Variants in CSNK1G1 observed in about 807,000 individuals in gnomAD.
The protein encoded by CSNK1G1 is casein kinase 1 gamma 1.
CSNK1G1 carries 22 observed loss-of-function variants against 59.6 expected under a neutral mutation model. That is an observed-to-expected ratio of 0.37 (90% CI 0.26 to 0.53). CSNK1G1 has a LOEUF of 0.53. Among genes scored for constraint, CSNK1G1 ranks in the 20% least tolerant of loss-of-function variants. CSNK1G1 has a pLI of 0.89. For missense variants in CSNK1G1, 384 were observed against 519.5 expected, an observed-to-expected ratio of 0.74 and a Z score of 2.54; for synonymous variants, 179 against 177.1, an observed-to-expected ratio of 1.01 and a Z score of -0.08.
At chr15:64,264,621 C>A (rs958398619) in intron 2 of CSNK1G1, among the ~76,000 whole-genome samples, 1 of 152,180 alleles carries the variant, frequency 6.6e-6, no homozygotes, top group Admixed American at 6.5e-5. Flanking sequence ...CACAAATCGT[C>A]AACAAAATAC....
At chr15:64,194,850 T>C (rs1478016165) in intron 10 of CSNK1G1, among the ~76,000 whole-genome samples, 1 of 152,192 alleles carries the variant, frequency 6.6e-6, no homozygotes, top group Non-Finnish European at 1.5e-5. Context: ...TTAAATGTAT[T>C]CCCTTACAGT....
At chr15:64,254,164 T>C (rs942686858) in intron 3 of CSNK1G1, among the ~76,000 whole-genome samples, 2 of 151,458 alleles carry the variant, frequency 1.3e-5, no homozygotes, top group East Asian at 3.9e-4. Flanking sequence ...ATAAAAAAAA[T>C]TAAGTATCTA....
At chr15:64,321,048 T>C (rs1264414951) in intron 1 of CSNK1G1, among the ~76,000 whole-genome samples, 1 of 152,152 alleles carries the variant, frequency 6.6e-6, no homozygotes, top group African/African-American at 2.4e-5. Flanking sequence ...ATATTTATAA[T>C]GCTCTCTATA....
At position 64,167,878 on chromosome 15, in the gene CSNK1G1, G is replaced by C. The variant is rs991010681; in HGVS notation, c.*4053C>G. 3 of 152,162 alleles carry C rather than the reference G, an allele frequency of 2.0e-5. No homozygotes were observed. Among genetic ancestry groups the C allele is most frequent in the African/African-American group, 7.2e-5 (3 of 41,436 alleles). 9.4% of individuals were successfully genotyped at this position (152,162 alleles called of 1,614,324 possible). On this transcript the variant is annotated 3_prime_UTR_variant, in exon 12 of 12. Coordinates refer to ENST00000303052, the MANE Select transcript of CSNK1G1 (RefSeq NM_022048.5). ...ATGCTTGCTCACTGGGAGGAGGAATGGATTTTATCTTTTACATAAAAAAGT... is the reference window on the plus strand; with the variant it reads ...ATGCTTGCTCACTGGGAGGAGGAATCGATTTTATCTTTTACATAAAAAAGT...
intron 4 of CSNK1G1, among the ~76,000 whole-genome samples, chr15:64,243,756 T>C (rs140277689): frequency 5.9e-5 from 9 of 152,044 alleles, no homozygotes; most frequent in African/African-American, 2.2e-4. Context: ...TGTAGTCCCA[T>C]CTACTCAGGA....
rs1053370916 is a variant in CSNK1G1 at position 64,279,019 on chromosome 15, A to G, written c.182-19778T>C. Among the ~76,000 whole-genome samples the G allele has an allele frequency of 2.6e-5, 4 of 152,360 alleles. No homozygotes were observed. The South Asian group carries it at 8.3e-4, about 32-fold the overall frequency. ...TATGAAGCAGCTCCACCTAAGTGGT[A>G]TGAAGATCACTGACATACACTGTTA... On this transcript the variant is annotated intron_variant, in intron 2 of 11. Transcript: ENST00000303052.
rs2081741407 is a variant in CSNK1G1 at position 64,176,376 on chromosome 15, G to T, written c.1214+3972C>A. On this transcript the variant is annotated intron_variant, in intron 11 of 11. Coordinates refer to ENST00000303052, the MANE Select transcript of CSNK1G1 (RefSeq NM_022048.5). The surrounding 1 kb of genome is among the most constrained non-coding windows in gnomAD (Gnocchi z 5.2). ...AGAGGTGAAATGGAAGCGACTCCCT[G>T]TGAGCCATGCAAACATGCAGTATGT... 2.5e-6 allele frequency: 1 copy of T among 398,048 alleles called. No individual in the cohort carries two copies. The highest frequency in any genetic ancestry group is 1.3e-4 in the South Asian group (1 of 7,576). The allele number at this position is 398,048 out of a possible 1,614,324, so 24.7% of individuals were successfully genotyped here.
intron 4 of CSNK1G1, among the ~76,000 whole-genome samples, chr15:64,218,774 A>G (rs369716046): frequency 4.6e-5 from 7 of 152,008 alleles, no homozygotes; most frequent in Admixed American, 4.6e-4. Context: ...TGCTAGTTCA[A>G]TAAATATCTG....
At chr15:64,203,717 A>AG (rs2082140107) in intron 9 of CSNK1G1, among the ~76,000 whole-genome samples, 1 of 150,526 alleles carries the variant, frequency 6.6e-6, no homozygotes, top group Non-Finnish European at 1.5e-5. Flanking sequence ...AAAAAAAAAA[A>AG]AAATTTCCTC....
At chr15:64,273,885 CTTAG>C (rs974689791) in intron 2 of CSNK1G1, among the ~76,000 whole-genome samples, 17 of 152,218 alleles carry the variant, frequency 1.1e-4, no homozygotes, top group Admixed American at 3.3e-4. Context: ...GGAGAACAGA[CTTAG>C]TTAGGAGAGT....
At chr15:64,338,422 C>G (rs182856199) in intron 1 of CSNK1G1, among the ~76,000 whole-genome samples, 4 of 151,922 alleles carry the variant, frequency 2.6e-5, no homozygotes, top group African/African-American at 9.7e-5. Context: ...CACTTGAGCC[C>G]GGCGCGGTGG....
chr15:64,232,118 T>G (rs1233728976), intron 4 of CSNK1G1, among the ~76,000 whole-genome samples: 1 of 152,080 alleles, frequency 6.6e-6, no homozygotes, highest in Non-Finnish European at 1.5e-5. Flanking sequence ...GAAAAGAAAA[T>G]GCAGAAAAAT....
At chr15:64,281,944 A>C (rs1894163593) in intron 2 of CSNK1G1, among the ~76,000 whole-genome samples, 1 of 150,336 alleles carries the variant, frequency 6.7e-6, no homozygotes, top group African/African-American at 2.4e-5. Flanking sequence ...TTTTTTAAAC[A>C]CAGTGTCTAT....
rs1196363278 is a variant in CSNK1G1 at position 64,171,681 on chromosome 15, C to T, written c.*250G>A. ...TGGGAAGGAGAGTCAACCAGGCAGC[C>T]CTATGGGCAAGCAGTGGAGGAACAG... On this transcript the variant is annotated 3_prime_UTR_variant, in exon 12 of 12. Transcript: ENST00000303052. This position sits in a 1 kb window ranked among gnomAD's most constrained non-coding sequence, Gnocchi z 4.8. 3.6e-6 allele frequency: 2 copies of T among 563,138 alleles called. No individual in the cohort carries two copies. The highest frequency in any genetic ancestry group is 2.2e-5 in the South Asian group (1 of 45,106). The allele number at this position is 563,138 out of a possible 1,614,324, so 34.9% of individuals were successfully genotyped here.
In CSNK1G1 at chr15:64,221,022, T is replaced by C. The variant is rs992987736; in HGVS notation, c.293-4309A>G. ...GATGGCTGTGGAGTAACCATGCTAATGTTGGACTTTTCTTCTCTCTGGATT... is the reference window on the plus strand; with the variant it reads ...GATGGCTGTGGAGTAACCATGCTAACGTTGGACTTTTCTTCTCTCTGGATT... On this transcript the variant is annotated intron_variant, in intron 4 of 11. Transcript: ENST00000303052. Among the ~76,000 whole-genome samples, 4 of 152,212 alleles carry C rather than the reference T, an allele frequency of 2.6e-5. 1 individual carries two copies. The highest frequency in any genetic ancestry group is 9.7e-5 in the African/African-American group (4 of 41,446).
At chr15:64,290,419 G>GT (rs1894674961) in intron 2 of CSNK1G1, among the ~76,000 whole-genome samples, 7 of 151,660 alleles carry the variant, frequency 4.6e-5, no homozygotes, top group Admixed American at 4.6e-4. Context: ...AAAATTTCAC[G>GT]TTTTTTGCAG....
intron 1 of CSNK1G1, among the ~76,000 whole-genome samples, chr15:64,340,763 G>A (rs1473487232): frequency 6.6e-6 from 1 of 152,132 alleles, no homozygotes. Context: ...AGACCAGACT[G>A]GGCAATATGG....
Position 64,218,138 on chromosome 15 carries a change from G to T in CSNK1G1, c.293-1425C>A, listed in dbSNP as rs191687979. ...AAATTTTTGATTTTTTATAGAGATGGGGTCTCACTATGTTACTCAGGCTGG... is the reference window on the plus strand; with the variant it reads ...AAATTTTTGATTTTTTATAGAGATGTGGTCTCACTATGTTACTCAGGCTGG... On this transcript the variant is annotated intron_variant, in intron 4 of 11. Coordinates refer to ENST00000303052, the MANE Select transcript of CSNK1G1 (RefSeq NM_022048.5). 4.4e-3 allele frequency among the ~76,000 whole-genome samples: 673 copies of T among 152,062 alleles called. 7 individuals carry two copies. Among genetic ancestry groups the T allele is most frequent in the South Asian group, 0.014 (66 of 4,820 alleles).
intron 4 of CSNK1G1, among the ~76,000 whole-genome samples, chr15:64,243,205 G>A (rs1383014590): frequency 2.0e-5 from 3 of 151,966 alleles, no homozygotes; most frequent in Non-Finnish European, 2.9e-5. Flanking sequence ...GTGTGGTGGC[G>A]TGAACCTGTA....
Sources: allele counts gnomAD v4.1 joint callset (sites outside exome capture counted in the v4.1 genomes callset), GRCh38; gene constraint gnomAD v4.1.1; non-coding constraint Gnocchi (gnomAD v3.1); transcripts MANE v1.5; gene names NCBI Gene and HGNC (gene_info 2026-07-23, HGNC 2026-07-21).